Variants in BICC1 observed in about 807,000 individuals in gnomAD.
The protein encoded by BICC1 is protein bicaudal C homolog 1.
Under a neutral mutation model 111.0 loss-of-function variants are expected in BICC1, and 43 were observed. That is an observed-to-expected ratio of 0.39 (90% CI 0.30 to 0.50). The LOEUF (loss-of-function observed/expected upper bound fraction) is 0.50, where lower values mean the gene tolerates loss of function less well. BICC1 is among the 20% of genes least tolerant of loss of function. The probability of loss-of-function intolerance (pLI) is 0.88; values close to 1 mark genes in which losing one functional copy is unlikely to be tolerated. For missense variants in BICC1, 1,091 were observed against 1,203.2 expected, an observed-to-expected ratio of 0.91 and a Z score of 1.38; for synonymous variants, 467 against 434.4, an observed-to-expected ratio of 1.07 and a Z score of -0.93.
chr10:58,755,793 A>G (rs1564595287), intron 3 of BICC1, among the ~76,000 whole-genome samples: 1 of 151,770 alleles, frequency 6.6e-6, no homozygotes, highest in African/African-American at 2.4e-5. Context: ...ATTTGATTCC[A>G]CAGAGTTACA....
At chr10:58,530,696 AAAAAAG>A (rs1419408821) in intron 1 of BICC1, among the ~76,000 whole-genome samples, 4 of 142,374 alleles carry the variant, frequency 2.8e-5, no homozygotes, top group Non-Finnish European at 3.1e-5. Context: ...AAAAAAAAAA[AAAAAAG>A]AAAATCAGAA....
intron 17 of BICC1, 65 bp downstream of exon 17, chr10:58,807,223 C>T: frequency 6.8e-7 from 1 of 1,466,038 alleles, no homozygotes; most frequent in Non-Finnish European, 9.3e-7. Flanking sequence ...GACAGTCCTT[C>T]CCCCACCCTC....
At position 58,807,022 on chromosome 10, in the gene BICC1, T is replaced by C. The variant is rs1237660896; in HGVS notation, c.2240T>C (p.Val747Ala). 6.2e-7 allele frequency: 1 copy of C among 1,613,238 alleles called. No homozygotes were observed. Among genetic ancestry groups the C allele is most frequent in the Admixed American group, 1.7e-5 (1 of 59,864 alleles). ...TCCAAAGCTATGTTAAAGAAACCAG[T>C]GGTGACGGAGGTCAGAACGCCCACA... Reference protein sequence around the residue: ...LATKAMLKKPVVTEVRTPTNT... With the variant: ...LATKAMLKKPAVTEVRTPTNT... Residue 747 changes from valine (V) to alanine (A), a missense_variant, in exon 17 of 21, where the codon GTG becomes GCG. Transcript: ENST00000373886.
intron 20 of BICC1, among the ~76,000 whole-genome samples, chr10:58,822,436 A>G (rs1844278279): frequency 6.6e-6 from 1 of 152,122 alleles, no homozygotes; most frequent in Admixed American, 6.6e-5. Context: ...TGGGAATCAG[A>G]AAGGTTTCAA....
At chr10:58,689,254 G>T (rs1356259403) in intron 2 of BICC1, among the ~76,000 whole-genome samples, 1 of 152,132 alleles carries the variant, frequency 6.6e-6, no homozygotes, top group East Asian at 1.9e-4. Flanking sequence ...TGTGGTAAGA[G>T]AAAGAGAGAA....
intron 20 of BICC1, among the ~76,000 whole-genome samples, chr10:58,827,804 A>T (rs4948549): frequency 6.6e-5 from 10 of 151,982 alleles, no homozygotes; most frequent in South Asian, 6.2e-4. Context: ...ATTTTTGTAA[A>T]GTTACACCAA....
chr10:58,776,343 A>G (rs897899894), intron 3 of BICC1, among the ~76,000 whole-genome samples: 3 of 152,236 alleles, frequency 2.0e-5, no homozygotes, highest in Admixed American at 1.3e-4. Context: ...CCCTGGCTAC[A>G]GATTACAGTG....
At chr10:58,535,496 G>A (rs1238305959) in intron 1 of BICC1, among the ~76,000 whole-genome samples, 3 of 151,708 alleles carry the variant, frequency 2.0e-5, no homozygotes, top group Admixed American at 1.3e-4. Flanking sequence ...CATAAATGAA[G>A]GAGAAATAAC....
intron 1 of BICC1, among the ~76,000 whole-genome samples, chr10:58,590,093 G>C (rs1306714999): frequency 6.6e-6 from 1 of 152,150 alleles, no homozygotes; most frequent in Non-Finnish European, 1.5e-5. Flanking sequence ...GTTATGAATG[G>C]TATGTTATTA....
intron 1 of BICC1, among the ~76,000 whole-genome samples, chr10:58,514,417 T>G (rs34643160): frequency 0.12 from 18,560 of 152,310 alleles, 1,253 homozygotes; most frequent in Middle Eastern, 0.17. Flanking sequence ...CATAACTTAC[T>G]TTGACTTTAT....
chr10:58,581,443 A>G (rs1844277251), intron 1 of BICC1, among the ~76,000 whole-genome samples: 1 of 152,206 alleles, frequency 6.6e-6, no homozygotes, highest in Non-Finnish European at 1.5e-5. Context: ...GACTTTTCAC[A>G]TGCCTCTGTT....
At chr10:58,555,487 A>C (rs1252885797) in intron 1 of BICC1, among the ~76,000 whole-genome samples, 2 of 152,054 alleles carry the variant, frequency 1.3e-5, no homozygotes, top group Non-Finnish European at 2.9e-5. Context: ...TCTGATTATC[A>C]AGATCAAAAA....
intron 1 of BICC1, among the ~76,000 whole-genome samples, chr10:58,570,559 T>C (rs900027335): frequency 6.6e-6 from 1 of 152,176 alleles, no homozygotes; most frequent in Non-Finnish European, 1.5e-5. Context: ...AGTTACTTAC[T>C]TCAATTGATC....
intron 8 of BICC1, among the ~76,000 whole-genome samples, chr10:58,790,682 C>A (rs896139163): frequency 2.2e-4 from 33 of 152,028 alleles, no homozygotes; most frequent in South Asian, 1.5e-3. Flanking sequence ...AAAAATTAGC[C>A]AATGCGGTGG....
intron 1 of BICC1, among the ~76,000 whole-genome samples, chr10:58,586,685 C>G (rs1457479187): frequency 6.6e-6 from 1 of 151,432 alleles, no homozygotes. Context: ...TACCCACACA[C>G]ACTATATCCA....
chr10:58,534,264 G>A (rs1048217288), intron 1 of BICC1, among the ~76,000 whole-genome samples: 3 of 151,660 alleles, frequency 2.0e-5, no homozygotes, highest in Admixed American at 2.0e-4. Flanking sequence ...AGAAATTAAT[G>A]CTCTGAACTT....
intron 3 of BICC1, among the ~76,000 whole-genome samples, chr10:58,745,610 C>A (rs1328496995): frequency 2.3e-5 from 3 of 132,118 alleles, no homozygotes; most frequent in Non-Finnish European, 4.9e-5. Context: ...CCGCCCCCCC[C>A]CCACATTTTT....
chr10:58,808,716 A>ATTT (rs879655441), intron 17 of BICC1, among the ~76,000 whole-genome samples: 755 of 74,860 alleles, frequency 0.01, 3 homozygotes, highest in East Asian at 0.057. Flanking sequence ...ATTTAAAAAA[A>ATTT]ATTTTTTTTT....
At position 58,521,768 on chromosome 10, in the gene BICC1, GTTTTTTT is replaced by G. The variant is rs573116230; in HGVS notation, c.190+8467_190+8473del. 8.2e-4 allele frequency among the ~76,000 whole-genome samples: 92 copies of G among 112,798 alleles called. 4 individuals carry two copies. Among genetic ancestry groups the G allele is most frequent in the Admixed American group, 2.5e-3 (22 of 8,632 alleles). 74.0% of individuals were successfully genotyped at this position (112,798 alleles called of 152,430 possible). On this transcript the variant is annotated intron_variant, in intron 1 of 20. Coordinates refer to ENST00000373886, the MANE Select transcript of BICC1 (RefSeq NM_001080512.3). ...ATGAAAATCAGCCAGGGAATGTGGT[GTTTTTTT>G]TTTTTTTTTTTTTTTTTTTTTTTTT... is the stretch of plus-strand genomic sequence containing the variant.
Sources: allele counts gnomAD v4.1 joint callset (sites outside exome capture counted in the v4.1 genomes callset), GRCh38; gene constraint gnomAD v4.1.1; transcripts MANE v1.5; gene names NCBI Gene and HGNC (gene_info 2026-07-23, HGNC 2026-07-21).